Variants in DACH2 observed in about 807,000 individuals in gnomAD.
The protein encoded by DACH2 is dachshund family transcription factor 2.
A neutral mutation model predicts 35.8 loss-of-function variants in DACH2; 17 were observed. That is an observed-to-expected ratio of 0.48 (90% confidence interval 0.33 to 0.71). The LOEUF is 0.71. Among genes scored for constraint, DACH2 ranks in the 30% least tolerant of loss-of-function variants. The probability of loss-of-function intolerance (pLI) is 0.02; values close to 1 mark genes in which losing one functional copy is unlikely to be tolerated. For synonymous variants in DACH2, 195 were observed against 177.3 expected, an observed-to-expected ratio of 1.10 and a Z score of -0.79; for missense variants, 469 against 472.7, an observed-to-expected ratio of 0.99 and a Z score of 0.07.
chrX:86,491,316 T>C (rs1461447517), intron 2 of DACH2, among the ~76,000 whole-genome samples: 1 of 111,916 alleles, frequency 8.9e-6, no homozygotes, highest in East Asian at 2.8e-4. Context: ...ATATAGGTAT[T>C]TTGTTGCAAC....
rs770887223 is a variant in DACH2, at chrX:86,591,946, G to T, written c.641-59090G>T. On this transcript the variant is annotated intron_variant, in intron 3 of 11. Coordinates refer to ENST00000373125, the MANE Select transcript of DACH2 (RefSeq NM_053281.3). ...ATCATATATGTGTTTTGTAAGATTC[G>T]TTTCTGGCCTGTGGCTTGTCTTTCC... is the stretch of plus-strand genomic sequence containing the variant. 2.2e-4 allele frequency among the ~76,000 whole-genome samples: 24 copies of T among 111,505 alleles called. No homozygotes were observed. The South Asian group carries it at 4.9e-3, about 23-fold the overall frequency.
intron 2 of DACH2, among the ~76,000 whole-genome samples, chrX:86,428,510 G>A (rs2036931004): frequency 8.9e-6 from 1 of 111,901 alleles, no homozygotes; most frequent in Non-Finnish European, 1.9e-5. Context: ...CTATTATGAT[G>A]TTTTGGGTTT....
intron 11 of DACH2, chrX:86,831,829 A>T (rs2042615210): frequency 9.1e-6 from 2 of 219,075 alleles, no homozygotes; most frequent in Non-Finnish European, 1.6e-5. Flanking sequence ...AGATTATTAC[A>T]GACATTATAA....
intron 1 of DACH2, among the ~76,000 whole-genome samples, chrX:86,375,058 A>G (rs1325907767): frequency 9.1e-6 from 1 of 109,818 alleles, no homozygotes; most frequent in Non-Finnish European, 1.9e-5. Context: ...CTGGAGTTAT[A>G]GCTAGTTTGT....
At chrX:86,300,653 T>G (rs1234024749) in intron 1 of DACH2, among the ~76,000 whole-genome samples, 1 of 111,435 alleles carries the variant, frequency 9.0e-6, no homozygotes, top group Non-Finnish European at 1.9e-5. Context: ...ACCTGCACAT[T>G]GTGCACATGT....
At chrX:86,759,287 G>A (rs1318518628) in intron 7 of DACH2, among the ~76,000 whole-genome samples, 1 of 111,512 alleles carries the variant, frequency 9.0e-6, no homozygotes, top group Non-Finnish European at 1.9e-5. Context: ...ACATATCTGG[G>A]TTCTCTGGTA....
chrX:86,279,611 C>A (rs989597083), intron 1 of DACH2, among the ~76,000 whole-genome samples: 1 of 110,898 alleles, frequency 9.0e-6, no homozygotes, highest in African/African-American at 3.3e-5. Context: ...AAGCCTTTCT[C>A]CTACAAAGGA....
chrX:86,299,061 G>A (rs1332810667), intron 1 of DACH2, among the ~76,000 whole-genome samples: 2 of 111,743 alleles, frequency 1.8e-5, no homozygotes, highest in Non-Finnish European at 3.8e-5. Context: ...TTTAGATTCT[G>A]GGATATATTG....
intron 2 of DACH2, among the ~76,000 whole-genome samples, chrX:86,479,700 A>G (rs1043413461): frequency 4.5e-5 from 5 of 111,712 alleles, no homozygotes; most frequent in East Asian, 2.8e-4. Context: ...ATGTATTTCA[A>G]TTGGCCTGTC....
chrX:86,300,016 G>A (rs1410446789), intron 1 of DACH2, among the ~76,000 whole-genome samples: 1 of 111,583 alleles, frequency 9.0e-6, no homozygotes, highest in Non-Finnish European at 1.9e-5. Context: ...CATGTTGAGT[G>A]TTTAGCATTT....
chrX:86,658,496 T>A (rs2040568991), intron 4 of DACH2, among the ~76,000 whole-genome samples: 2 of 111,700 alleles, frequency 1.8e-5, no homozygotes, highest in African/African-American at 6.5e-5. Context: ...TTGAGGTTTG[T>A]TTAATAGTTT....
chrX:86,708,876 A>T (rs1267296596), intron 5 of DACH2, among the ~76,000 whole-genome samples: 1 of 111,652 alleles, frequency 9.0e-6, no homozygotes, highest in Non-Finnish European at 1.9e-5. Context: ...TAGAAGGACT[A>T]CTGCAGAACT....
chrX:86,310,613 A>G (rs1160777273), intron 1 of DACH2, among the ~76,000 whole-genome samples: 1 of 112,087 alleles, frequency 8.9e-6, no homozygotes, highest in Non-Finnish European at 1.9e-5. Flanking sequence ...TGCACTTTGC[A>G]TGGAAGGAGA....
intron 7 of DACH2, among the ~76,000 whole-genome samples, chrX:86,784,349 C>T (rs749849920): frequency 1.9e-4 from 21 of 110,420 alleles, no homozygotes; most frequent in Non-Finnish European, 3.8e-4. Flanking sequence ...AGGAGACATA[C>T]CCACAGACAA....
At chrX:86,596,888 GT>G (rs1213601131) in intron 3 of DACH2, among the ~76,000 whole-genome samples, 41 of 109,357 alleles carry the variant, frequency 3.7e-4, no homozygotes, top group South Asian at 7.8e-4. Flanking sequence ...TGAAGCAACT[GT>G]TTTTTTTTCC....
At chrX:86,831,279 C>T (rs1471197504) in intron 11 of DACH2, 3 of 111,329 alleles carry the variant, frequency 2.7e-5, no homozygotes, top group Non-Finnish European at 5.7e-5. Flanking sequence ...ATGATAATGT[C>T]CTCTCCATTA....
intron 1 of DACH2, among the ~76,000 whole-genome samples, chrX:86,279,071 T>A (rs2033973194): frequency 8.9e-6 from 1 of 111,849 alleles, no homozygotes; most frequent in Non-Finnish European, 1.9e-5. Context: ...AACTCCCATC[T>A]CCCTGGGACA....
intron 1 of DACH2, among the ~76,000 whole-genome samples, chrX:86,192,749 G>A (rs2031867721): frequency 8.9e-6 from 1 of 112,160 alleles, no homozygotes; most frequent in Admixed American, 9.5e-5. Context: ...TATCTTCAAG[G>A]AATACTGTGG....
At chrX:86,225,720 A>C (rs1022640354) in intron 1 of DACH2, among the ~76,000 whole-genome samples, 2 of 111,117 alleles carry the variant, frequency 1.8e-5, no homozygotes. Context: ...GGCTGGTGAA[A>C]TTGTTCTGGG....
Sources: allele counts gnomAD v4.1 joint callset (sites outside exome capture counted in the v4.1 genomes callset), GRCh38; gene constraint gnomAD v4.1.1; transcripts MANE v1.5; gene names NCBI Gene and HGNC (gene_info 2026-07-23, HGNC 2026-07-21).